Variants in EPHA10 observed in about 807,000 individuals in gnomAD.
EPHA10 encodes the protein ephrin type-A receptor 10.
EPHA10 carries 120 observed loss-of-function variants against 109.7 expected under a neutral mutation model. The observed-to-expected ratio is 1.09, with a 90% CI of 0.94 to 1.27. The LOEUF (loss-of-function observed/expected upper bound fraction) is 1.27, where lower values mean the gene tolerates loss of function less well. EPHA10 is among the 50% of genes most tolerant of loss of function. The pLI, the probability that EPHA10 is intolerant of heterozygous loss-of-function variation, is 0.00. For synonymous variants in EPHA10, 640 were observed against 618.9 expected, an observed-to-expected ratio of 1.03 and a Z score of -0.51; for missense variants, 1,396 against 1,411.1, an observed-to-expected ratio of 0.99 and a Z score of 0.17.
At chr1:37,735,669 C>T (rs1646059243) in intron 5 of EPHA10, among the ~76,000 whole-genome samples, 2 of 152,016 alleles carry the variant, frequency 1.3e-5, no homozygotes, top group Non-Finnish European at 2.9e-5. Flanking sequence ...GCTTGCCCAC[C>T]CCTTACAGCC....
chr1:37,723,063 C>A lies in EPHA10; in HGVS notation c.1938G>T (p.Thr646=), dbSNP rs200578698. 1 of 1,614,074 alleles carries A rather than the reference C, an allele frequency of 6.2e-7. No homozygotes were observed. Among genetic ancestry groups the A allele is most frequent in the Non-Finnish European group, 8.5e-7 (1 of 1,180,046 alleles). Residue 646 remains threonine (T), a synonymous_variant, in exon 10 of 17, where the codon ACG becomes ACT. Transcript: ENST00000373048. The part of the protein sequence containing the change: ...FAKELDAKSV[T]LERSLGGGRF... ...TGCCTCCTCCAAGGCTCCTCTCCAG[C>A]GTGACGCTTTTCGCATCCAGTTCCT...
At chr1:37,757,218 C>T (rs1015045859) in intron 3 of EPHA10, among the ~76,000 whole-genome samples, 3 of 152,066 alleles carry the variant, frequency 2.0e-5, no homozygotes, top group Non-Finnish European at 2.9e-5. Context: ...AGTGGCTAAC[C>T]GAGGGAGAAC....
At position 37,718,305 on chromosome 1, in the gene EPHA10, C is replaced by T. The variant is rs562835801; in HGVS notation, c.*67G>A. On this transcript the variant is annotated 3_prime_UTR_variant, in exon 17 of 17. Coordinates refer to ENST00000373048, the MANE Select transcript of EPHA10 (RefSeq NM_001099439.2). ...CACACTGCTGGAGCGCAGCTTGCCA[C>T]GGTCCTTGGGCAGGGCTGGGGGACT... 3.6e-4 allele frequency: 494 copies of T among 1,376,456 alleles called. 4 individuals carry two copies. The Middle Eastern group carries it at 7.4e-3, about 21-fold the overall frequency. 85.3% of individuals were successfully genotyped at this position (1,376,456 alleles called of 1,614,324 possible).
In EPHA10 at chr1:37,761,491, T is replaced by C; in HGVS notation, c.764A>G (p.His255Arg). The stretch of plus-strand genomic sequence containing the variant: ...CAGCCACTCGCCGTCGGCGCCGCAG[T>C]GCATGCGTGGGGGGCTGCCAGGCTC... ...EGEPGSPPRMHCGADGEWLVP... is the reference protein window; with the variant it reads ...EGEPGSPPRMRCGADGEWLVP... The change falls in exon 3 of 17, where the codon CAC becomes CGC. Residue 255 changes from histidine (H) to arginine (R), a missense_variant. Physicochemically the swap from His to Arg is conservative, Grantham distance 29 (BLOSUM62 0). Transcript: ENST00000373048. 1.2e-6 allele frequency: 2 copies of C among 1,600,362 alleles called. No homozygotes were observed. The highest frequency in any genetic ancestry group is 8.5e-7 in the Non-Finnish European group (1 of 1,179,130).
At chr1:37,748,918 C>CTTTTTTTTTTT (rs55656984) in intron 5 of EPHA10, among the ~76,000 whole-genome samples, 5 of 95,306 alleles carry the variant, frequency 5.2e-5, no homozygotes, top group Non-Finnish European at 7.8e-5. Context: ...TTCTTTTCAT[C>CTTTTTTTTTTT]TTTTTTTTTT....
chr1:37,718,454 T>G lies in EPHA10; in HGVS notation c.2945A>C (p.Glu982Ala), dbSNP rs1233665836. 1 of 1,613,452 alleles carries G rather than the reference T, an allele frequency of 6.2e-7. No homozygotes were observed. ...DLVSLGISLAEHREALLSGIS... is the reference protein window; with the variant it reads ...DLVSLGISLAAHREALLSGIS... ...CCCGCTGAGGAGGGCCTCTCGATGT[T>G]CAGCCAAAGAGATGCCTAGGCTCAC... is the stretch of plus-strand genomic sequence containing the variant. The change falls in exon 17 of 17, where the codon GAA becomes GCA. Residue 982 changes from glutamate to alanine, a missense_variant. Glu to Ala is a moderately radical substitution (Grantham distance 107, BLOSUM62 -1). Transcript: ENST00000373048.
intron 3 of EPHA10, chr1:37,761,089 TAAA>T: frequency 5.5e-6 from 5 of 912,476 alleles, no homozygotes; most frequent in Non-Finnish European, 4.1e-6. Context: ...CTCCTTATTT[TAAA>T]AAAAAAAAAA....
rs911528899 is a variant in EPHA10, at chr1:37,721,750, A to T, written c.2056T>A (p.Ser686Thr). 1 of 1,612,684 alleles carries T rather than the reference A, an allele frequency of 6.2e-7. No homozygotes were observed. Among genetic ancestry groups the T allele is most frequent in the Non-Finnish European group, 8.5e-7 (1 of 1,179,838 alleles). ...TCGGCCAGGAAGCCGAGCCTCTGTGAGTCGGAGGCGCTGTCCCTCAGCATA... is the reference window on the plus strand; with the variant it reads ...TCGGCCAGGAAGCCGAGCCTCTGTGTGTCGGAGGCGCTGTCCCTCAGCATA... ...VHMLRDSASD[S>T]QRLGFLAEAL... The change falls in exon 11 of 17, where the codon TCA becomes ACA. Residue 686 changes from serine to threonine, a missense_variant. Physicochemically the swap from Ser to Thr is moderately conservative, Grantham distance 58. Transcript: ENST00000373048.
chr1:37,759,566 G>A lies in EPHA10; in HGVS notation c.850+1839C>T, dbSNP rs148229214. Among the ~76,000 whole-genome samples, 234 of 152,136 alleles carry A rather than the reference G, an allele frequency of 1.5e-3. 1 individual carries two copies. Among genetic ancestry groups the A allele is most frequent in the Middle Eastern group, 3.4e-3 (1 of 292 alleles). On this transcript the variant is annotated intron_variant, in intron 3 of 16. Transcript: ENST00000373048. ...AATGCATTTTCACTGAACACCTACC[G>A]TATGCCTTATCCTGTTATGAATGCT...
rs145892280 is a variant in EPHA10, at chr1:37,731,486, G to A, written c.1588C>T (p.Arg530Trp). The change falls in exon 7 of 17, where the codon CGG (arginine) becomes TGG (tryptophan). Residue 530 changes from arginine (R) to tryptophan (W), a missense_variant. Arg to Trp is a moderately radical substitution (Grantham distance 101). Transcript: ENST00000373048. ...CAGGATGGCCCCGGGGAAGCGGCCC[G>A]GATCTGAAAGACGTAGCGGGTAGCC... Reference protein sequence around the residue: ...KPATRYVFQIRAASPGPSWEA... With the variant: ...KPATRYVFQIWAASPGPSWEA... 1.5e-5 allele frequency: 24 copies of A among 1,614,026 alleles called. No individual in the cohort carries two copies. Among genetic ancestry groups the A allele is most frequent in the African/African-American group, 1.2e-4 (9 of 75,006 alleles).
Position 37,731,493 on chromosome 1 carries a change from A to G in EPHA10, c.1581T>C (p.Phe527=). Residue 527 remains phenylalanine, a synonymous_variant, in exon 7 of 17, where the codon TTT becomes TTC. Coordinates refer to ENST00000373048, the MANE Select transcript of EPHA10 (RefSeq NM_001099439.2). The stretch of plus-strand genomic sequence containing the variant: ...GCCCCGGGGAAGCGGCCCGGATCTG[A>G]AAGACGTAGCGGGTAGCCGGCTTCA... ...TNLKPATRYV[F]QIRAASPGPS... is the part of the protein sequence containing the mutation. The G allele has an allele frequency of 6.2e-7, 1 of 1,614,002 alleles. No homozygotes were observed. The highest frequency in any genetic ancestry group is 8.5e-7 in the Non-Finnish European group (1 of 1,179,984).
chr1:37,765,049 AC>A lies in EPHA10; in HGVS notation c.17del (p.Gly6ValfsTer88). ...AGAGGAAGAGGCGCAGCGGGTGTGG[AC>A]CGGCGCAGGTCTCCATGGTCCGCAG... The part of the protein sequence containing the change: METCA[G>X]PHPLRLFLCR... On this transcript the variant is annotated frameshift_variant, in exon 1 of 17. Coordinates refer to ENST00000373048, the MANE Select transcript of EPHA10 (RefSeq NM_001099439.2). LOFTEE classifies it high-confidence loss of function. The A allele has an allele frequency of 6.2e-7, 1 of 1,604,354 alleles. No individual in the cohort carries two copies.
At chr1:37,740,329 A>C (rs1424815809) in intron 5 of EPHA10, among the ~76,000 whole-genome samples, 1 of 152,012 alleles carries the variant, frequency 6.6e-6, no homozygotes, top group Non-Finnish European at 1.5e-5. Context: ...TTTTTGAGAC[A>C]GAGTCTCACT....
chr1:37,763,177 G>A (rs1484868909), intron 1 of EPHA10, among the ~76,000 whole-genome samples: 1 of 152,146 alleles, frequency 6.6e-6, no homozygotes, highest in Non-Finnish European at 1.5e-5. Context: ...ACTTTCACTG[G>A]TCTAGAGTCA....
At position 37,764,248 on chromosome 1, in the gene EPHA10, G is replaced by C. The variant is rs1646456894; in HGVS notation, c.106+713C>G. 1.3e-5 allele frequency among the ~76,000 whole-genome samples: 2 copies of C among 152,088 alleles called. No individual in the cohort carries two copies. Among genetic ancestry groups the C allele is most frequent in the South Asian group, 4.2e-4 (2 of 4,818 alleles). The stretch of plus-strand genomic sequence containing the variant: ...GCACATCGGAATCGCGAACTGGAAG[G>C]CATCAGCCATCCAGGGCCCAGACCA... On this transcript the variant is annotated intron_variant, in intron 1 of 16. Coordinates refer to ENST00000373048, the MANE Select transcript of EPHA10 (RefSeq NM_001099439.2). This position sits in a 1 kb window ranked among gnomAD's most constrained non-coding sequence, Gnocchi z 5.8.
intron 5 of EPHA10, among the ~76,000 whole-genome samples, chr1:37,750,571 T>G (rs1646307118): frequency 6.6e-6 from 1 of 151,898 alleles, no homozygotes; most frequent in Non-Finnish European, 1.5e-5. Context: ...AAGCAGTGGC[T>G]GAATAAAACT....
At chr1:37,756,229 C>T (rs1646391768) in intron 3 of EPHA10, among the ~76,000 whole-genome samples, 1 of 152,128 alleles carries the variant, frequency 6.6e-6, no homozygotes, top group Admixed American at 6.5e-5. Context: ...CCTCTCTGGC[C>T]TCAAAAAAAG....
At chr1:37,722,636 CTG>C (rs1645817878) in intron 10 of EPHA10, among the ~76,000 whole-genome samples, 1 of 152,172 alleles carries the variant, frequency 6.6e-6, no homozygotes, top group Non-Finnish European at 1.5e-5. Flanking sequence ...AGATGAGAAA[CTG>C]AGGCTCTGAG....
At chr1:37,738,103 C>T (rs1044226300) in intron 5 of EPHA10, 2 of 152,040 alleles carry the variant, frequency 1.3e-5, no homozygotes, top group Non-Finnish European at 2.9e-5. Flanking sequence ...CGCGGTGGCT[C>T]TTGCCTGTAA....
Sources: gnomAD v4.1 joint callset for allele counts (sites outside exome capture counted in the v4.1 genomes callset) on GRCh38, gnomAD v4.1.1 for gene constraint, Gnocchi (gnomAD v3.1) non-coding constraint, MANE v1.5 for transcripts, NCBI Gene and HGNC (gene_info 2026-07-23, HGNC 2026-07-21) for gene names.